The following KCNIP4 variants were observed in gnomAD, a reference collection of about 807,000 sequenced individuals.
KCNIP4 encodes Kv channel-interacting protein 4.
In KCNIP4, 12 loss-of-function variants were observed where a neutral mutation model predicts 34.0. The ratio of observed to expected loss-of-function variants is 0.35; its 90% CI spans 0.23 to 0.57. KCNIP4 has a LOEUF of 0.57. Ranked by LOEUF, KCNIP4 falls within the 20% of genes least tolerant of loss-of-function variation. The pLI is 0.83. For missense variants in KCNIP4, 238 were observed against 311.7 expected (o/e 0.76, Z 1.78); for synonymous variants, 124 against 102.2 (o/e 1.21, Z -1.29).
intron 1 of KCNIP4, among the ~76,000 whole-genome samples, chr4:21,940,376 C>A (rs1730135983): frequency 6.6e-6 from 1 of 152,166 alleles, no homozygotes; most frequent in South Asian, 2.1e-4. Context: ...CTTATACCAA[C>A]TGGAAGTAAT....
chr4:20,801,336 G>C (rs566928340), intron 3 of KCNIP4, among the ~76,000 whole-genome samples: 1 of 151,206 alleles, frequency 6.6e-6, no homozygotes, highest in African/African-American at 2.4e-5. Flanking sequence ...ACTGTCATAA[G>C]TATATATGCA....
chr4:20,936,144 A>G (rs984004733), intron 1 of KCNIP4, among the ~76,000 whole-genome samples: 1 of 152,164 alleles, frequency 6.6e-6, no homozygotes, highest in African/African-American at 2.4e-5. Context: ...TGTTATTCAA[A>G]GGATTAATTT....
intron 1 of KCNIP4, among the ~76,000 whole-genome samples, chr4:21,041,593 T>C (rs979385587): frequency 1.3e-5 from 2 of 152,208 alleles, no homozygotes; most frequent in Non-Finnish European, 2.9e-5. Context: ...CAAATAAAAT[T>C]TCACTTTCTT....
chr4:21,362,224 AC>A (rs1371850087), intron 1 of KCNIP4, among the ~76,000 whole-genome samples: 1 of 152,122 alleles, frequency 6.6e-6, no homozygotes, highest in African/African-American at 2.4e-5. Flanking sequence ...AAGCTATATC[AC>A]TTATTAGAAA....
intron 1 of KCNIP4, among the ~76,000 whole-genome samples, chr4:21,642,572 A>G (rs1031032911): frequency 4.6e-5 from 7 of 152,186 alleles, no homozygotes; most frequent in African/African-American, 1.7e-4. Context: ...TCTATTTACT[A>G]TTACAACTGA....
At chr4:21,127,484 G>A (rs1373542693) in intron 1 of KCNIP4, among the ~76,000 whole-genome samples, 1 of 151,988 alleles carries the variant, frequency 6.6e-6, no homozygotes, top group African/African-American at 2.4e-5. Context: ...TTATTAACTT[G>A]TTTATCATCT....
chr4:21,413,766 C>T (rs1467685609), intron 1 of KCNIP4, among the ~76,000 whole-genome samples: 3 of 152,190 alleles, frequency 2.0e-5, no homozygotes, highest in African/African-American at 7.2e-5. Context: ...ATTTCAGTCC[C>T]TGACAAGAAC....
intron 1 of KCNIP4, among the ~76,000 whole-genome samples, chr4:21,188,493 A>T (rs1480498313): frequency 6.6e-6 from 1 of 151,850 alleles, no homozygotes; most frequent in Non-Finnish European, 1.5e-5. Context: ...AACATTTCTC[A>T]TGTTTTTTGT....
At chr4:21,489,988 A>G (rs867472424) in intron 1 of KCNIP4, among the ~76,000 whole-genome samples, 33 of 152,258 alleles carry the variant, frequency 2.2e-4, no homozygotes, top group African/African-American at 7.2e-4. Context: ...CAGTTAATTT[A>G]CTTTTTGCAT....
At chr4:21,072,964 G>A (rs184083714) in intron 1 of KCNIP4, among the ~76,000 whole-genome samples, 1 of 152,190 alleles carries the variant, frequency 6.6e-6, no homozygotes, top group Non-Finnish European at 1.5e-5. Context: ...GTAGATGTGT[G>A]GTATTCTTTC....
intron 3 of KCNIP4, among the ~76,000 whole-genome samples, chr4:20,803,502 A>T (rs1193539512): frequency 9.3e-6 from 1 of 107,374 alleles, no homozygotes; most frequent in African/African-American, 3.3e-5. Context: ...AAAAAAAAAA[A>T]AAAAATTAGC....
intron 5 of KCNIP4, among the ~76,000 whole-genome samples, chr4:20,741,576 A>C (rs1180617565): frequency 6.6e-6 from 1 of 152,238 alleles, no homozygotes; most frequent in Non-Finnish European, 1.5e-5. Context: ...AGCAGTGTGT[A>C]GAGGGAAATT....
intron 1 of KCNIP4, among the ~76,000 whole-genome samples, chr4:21,221,500 G>T (rs1242983382): frequency 1.3e-5 from 2 of 152,184 alleles, no homozygotes; most frequent in African/African-American, 4.8e-5. Flanking sequence ...GCCTAGCAAA[G>T]AGGGGAGAGC....
At chr4:20,793,704 A>T (rs1165839866) in intron 3 of KCNIP4, among the ~76,000 whole-genome samples, 3 of 152,074 alleles carry the variant, frequency 2.0e-5, no homozygotes, top group African/African-American at 7.2e-5. Context: ...TATATAATGA[A>T]ATAATTACAC....
Position 21,220,571 on chromosome 4 carries a change from T to A in KCNIP4, c.62-337862A>T, listed in dbSNP as rs180999978. On this transcript the variant is annotated intron_variant, in intron 1 of 8. Transcript: ENST00000382152. ...CTTAAAGTATAATAATAAATAATAA[T>A]AATAATAATAAAGAAGTTCTCTTTT... Among the ~76,000 whole-genome samples, 47 of 151,852 alleles carry A rather than the reference T, an allele frequency of 3.1e-4. No individual in the cohort carries two copies. The East Asian group carries it at 8.7e-3, about 28-fold the overall frequency.
At chr4:21,086,892 C>G (rs887249065) in intron 1 of KCNIP4, among the ~76,000 whole-genome samples, 3 of 151,138 alleles carry the variant, frequency 2.0e-5, no homozygotes, top group African/African-American at 7.3e-5. Context: ...CTCCGTCCCT[C>G]CCTTCTTTCT....
At chr4:20,855,378 A>G (rs1240709648) in intron 2 of KCNIP4, among the ~76,000 whole-genome samples, 2 of 152,126 alleles carry the variant, frequency 1.3e-5, no homozygotes, top group East Asian at 3.9e-4. Context: ...TTGACTACAG[A>G]TTGGAGACTC....
intron 4 of KCNIP4, among the ~76,000 whole-genome samples, chr4:20,751,151 G>A (rs757512964): frequency 5.3e-5 from 8 of 152,186 alleles, no homozygotes; most frequent in African/African-American, 1.4e-4. Flanking sequence ...TGGCATCTTC[G>A]CTCATCTCTC....
chr4:21,455,770 A>G lies in KCNIP4; in HGVS notation c.61+492801T>C, dbSNP rs181046539. Among the ~76,000 whole-genome samples the G allele has an allele frequency of 3.1e-3, 429 of 138,000 alleles. 6 individuals carry two copies. Among genetic ancestry groups the G allele is most frequent in the African/African-American group, 0.011 (410 of 37,710 alleles). 90.5% of individuals were successfully genotyped at this position (138,000 alleles called of 152,430 possible). Reference sequence around the variant, plus strand: ...ATCCTCTCTGTTCCTCTCCCTATATATGTATAGTCATATTAATGTGATAGT... The same window carrying G: ...ATCCTCTCTGTTCCTCTCCCTATATGTGTATAGTCATATTAATGTGATAGT... On this transcript the variant is annotated intron_variant, in intron 1 of 8. Transcript: ENST00000382152.
Sources: allele counts gnomAD v4.1 joint callset (sites outside exome capture counted in the v4.1 genomes callset), GRCh38; gene constraint gnomAD v4.1.1; transcripts MANE v1.5; gene names NCBI Gene and HGNC (gene_info 2026-07-23, HGNC 2026-07-21).